ASAP2: variants seen among roughly 807,000 people sequenced by gnomAD.
ASAP2 encodes the protein ArfGAP with SH3 domain, ankyrin repeat and PH domain 2, also known as arf-GAP with SH3 domain, ANK repeat and PH domain-containing protein 2.
Under a neutral mutation model 131.4 loss-of-function variants are expected in ASAP2, and 45 were observed. That is an observed-to-expected ratio of 0.34 (90% CI 0.27 to 0.44). The LOEUF is 0.44. Ranked by LOEUF, ASAP2 falls within the 20% of genes least tolerant of loss-of-function variation. The pLI is 1.00. For missense variants in ASAP2, 1,011 were observed against 1,297.0 expected, an observed-to-expected ratio of 0.78 and a Z score of 3.39; for synonymous variants, 510 against 503.0, an observed-to-expected ratio of 1.01 and a Z score of -0.19.
At chr2:9,325,788 C>T (rs747897589) in intron 6 of ASAP2, among the ~76,000 whole-genome samples, 3 of 152,216 alleles carry the variant, frequency 2.0e-5, no homozygotes, top group South Asian at 2.1e-4. Flanking sequence ...AGCCATCTTT[C>T]GAGCAGTCCT....
intron 5 of ASAP2, among the ~76,000 whole-genome samples, chr2:9,320,822 A>C (rs1389455920): frequency 6.6e-6 from 1 of 152,228 alleles, no homozygotes; most frequent in East Asian, 1.9e-4. Flanking sequence ...TCTGCCAAAA[A>C]ATAACCTGAA....
chr2:9,405,526 T>C lies in ASAP2; in HGVS notation c.*2199T>C, dbSNP rs1012151788. The stretch of plus-strand genomic sequence containing the variant: ...ATTCAGTTCATTCACCTGATTACTT[T>C]GGTTGCAGCACAACTGTATATATTG... On this transcript the variant is annotated 3_prime_UTR_variant, in exon 28 of 28. Coordinates refer to ENST00000281419, the MANE Select transcript of ASAP2 (RefSeq NM_003887.3). The C allele has an allele frequency of 1.3e-5, 2 of 152,674 alleles. No homozygotes were observed. Among genetic ancestry groups the C allele is most frequent in the South Asian group, 2.1e-4 (1 of 4,836 alleles). The allele number at this position is 152,674 out of a possible 1,614,324, so 9.5% of individuals were successfully genotyped here.
intron 9 of ASAP2, among the ~76,000 whole-genome samples, chr2:9,340,268 G>A (rs762082658): frequency 1.3e-5 from 2 of 152,096 alleles, no homozygotes; most frequent in Non-Finnish European, 2.9e-5. Context: ...TGATCTGCCC[G>A]CCTCCGCCTC....
chr2:9,262,134 G>A (rs943360416), intron 1 of ASAP2, among the ~76,000 whole-genome samples: 1 of 152,152 alleles, frequency 6.6e-6, no homozygotes. Flanking sequence ...ATAGGCGCGT[G>A]CCATCATGCC....
intron 7 of ASAP2, among the ~76,000 whole-genome samples, chr2:9,332,059 C>G (rs909284266): frequency 6.6e-6 from 1 of 151,996 alleles, no homozygotes; most frequent in African/African-American, 2.4e-5. Context: ...AGCTACTCTG[C>G]TTGGTGGGTT....
chr2:9,385,401 C>T (rs1174363171), intron 21 of ASAP2, 43 bp downstream of exon 21: 2 of 1,451,642 alleles, frequency 1.4e-6, no homozygotes, highest in Non-Finnish European at 9.7e-7. Context: ...TGATCAGCTT[C>T]ATCCAGAACA....
At chr2:9,264,779 A>G (rs960707554) in intron 1 of ASAP2, among the ~76,000 whole-genome samples, 1 of 152,050 alleles carries the variant, frequency 6.6e-6, no homozygotes, top group South Asian at 2.1e-4. Flanking sequence ...GTTCAGTCAC[A>G]TAGGGTCTCA....
intron 1 of ASAP2, among the ~76,000 whole-genome samples, chr2:9,241,177 A>G (rs1663936734): frequency 6.6e-6 from 1 of 152,234 alleles, no homozygotes; most frequent in African/African-American, 2.4e-5. Flanking sequence ...TTCTAAGATG[A>G]AATATTATTA....
chr2:9,254,527 A>ATTTTTTTTTTTTTTTTTTTTTTTT (rs546862626), intron 1 of ASAP2, among the ~76,000 whole-genome samples: 1 of 28,028 alleles, frequency 3.6e-5, no homozygotes, highest in Non-Finnish European at 8.0e-5. Context: ...TAATTTTTGG[A>ATTTTTTTTTTTTTTTTTTTTTTTT]TTTTTTTTTT....
chr2:9,210,454 CT>C (rs902461675), intron 1 of ASAP2, among the ~76,000 whole-genome samples: 4 of 152,092 alleles, frequency 2.6e-5, no homozygotes, highest in Non-Finnish European at 5.9e-5. Flanking sequence ...CCAGTGAGGG[CT>C]TTTGGAGTGA....
In ASAP2 at chr2:9,378,954, G is replaced by T; in HGVS notation, c.1843G>T (p.Asp615Tyr). 6.7e-7 allele frequency: 1 copy of T among 1,481,650 alleles called. No individual in the cohort carries two copies. The highest frequency in any genetic ancestry group is 1.4e-5 in the South Asian group (1 of 71,682). The allele number at this position is 1,481,650 out of a possible 1,614,324, so 91.8% of individuals were successfully genotyped here. The change falls in exon 19 of 28, where the codon GAT (aspartate) becomes TAT (tyrosine). Residue 615 changes from aspartate to tyrosine, a missense_variant. Physicochemically the swap from Asp to Tyr is radical, Grantham distance 160. Coordinates refer to ENST00000281419, the MANE Select transcript of ASAP2 (RefSeq NM_003887.3). ...DFLVQNSGNL[D>Y]KQTGKGSTAL... ...CCTGTTCTCGGGCAGTGGGAACCTG[G>T]ATAAACAGACAGGGAAAGGCAGCAC... is the stretch of plus-strand genomic sequence containing the variant.
chr2:9,240,525 T>G (rs1291325438), intron 1 of ASAP2, among the ~76,000 whole-genome samples: 2 of 152,118 alleles, frequency 1.3e-5, no homozygotes, highest in African/African-American at 4.8e-5. Flanking sequence ...AGGTTTCAGG[T>G]GTGAGCCACC....
intron 1 of ASAP2, among the ~76,000 whole-genome samples, chr2:9,257,683 T>C (rs989402554): frequency 1.3e-5 from 2 of 152,122 alleles, no homozygotes; most frequent in African/African-American, 4.8e-5. Flanking sequence ...CATGCCCGGC[T>C]AATTTTTTTG....
chr2:9,370,046 G>A (rs951885240), intron 16 of ASAP2, among the ~76,000 whole-genome samples: 11 of 152,258 alleles, frequency 7.2e-5, no homozygotes, highest in Non-Finnish European at 1.5e-4. Flanking sequence ...CACCATGTTG[G>A]TCAGGCTGGT....
Position 9,266,147 on chromosome 2 carries a change from C to CTTTTTTT in ASAP2, c.127-13160_127-13154dup, listed in dbSNP as rs3053782. On this transcript the variant is annotated intron_variant, in intron 1 of 27. Coordinates refer to ENST00000281419, the MANE Select transcript of ASAP2 (RefSeq NM_003887.3). ...TTTATAAAAACGATTGCCTTTTTAT[C>CTTTTTTT]TTTTTTTTTTTTTTTTGGACACAGG... is the stretch of plus-strand genomic sequence containing the variant. Among the ~76,000 whole-genome samples the CTTTTTTT allele has an allele frequency of 9.2e-4, 123 of 133,884 alleles. 2 individuals are homozygous for CTTTTTTT. The highest frequency in any genetic ancestry group is 2.4e-3 in the African/African-American group (85 of 35,062). 87.8% of individuals were successfully genotyped at this position (133,884 alleles called of 152,430 possible).
chr2:9,289,092 GCTAA>G (rs1667636639), intron 2 of ASAP2, among the ~76,000 whole-genome samples: 1 of 152,098 alleles, frequency 6.6e-6, no homozygotes, highest in Non-Finnish European at 1.5e-5. Context: ...TCTTTGTCTT[GCTAA>G]GTTGTGTGTT....
intron 2 of ASAP2, among the ~76,000 whole-genome samples, chr2:9,289,512 C>T (rs1185313301): frequency 6.6e-6 from 1 of 152,146 alleles, no homozygotes; most frequent in East Asian, 1.9e-4. Flanking sequence ...ACATTCTGTA[C>T]TCTAAAGCCT....
intron 1 of ASAP2, among the ~76,000 whole-genome samples, chr2:9,235,358 C>T (rs900793997): frequency 6.6e-6 from 1 of 152,228 alleles, no homozygotes; most frequent in Non-Finnish European, 1.5e-5. Context: ...CCTTGCCTCT[C>T]AGGACCCAGC....
intron 12 of ASAP2, among the ~76,000 whole-genome samples, chr2:9,355,491 TG>T (rs1418453057): frequency 1.3e-5 from 2 of 152,230 alleles, no homozygotes; most frequent in African/African-American, 4.8e-5. Context: ...GTCCACAGCC[TG>T]GCAAAACACT....
Sources: gnomAD v4.1 joint callset for allele counts (sites outside exome capture counted in the v4.1 genomes callset) on GRCh38, gnomAD v4.1.1 for gene constraint, MANE v1.5 for transcripts, NCBI Gene and HGNC (gene_info 2026-07-23, HGNC 2026-07-21) for gene names.